Variants in MIGA1 observed in about 807,000 individuals in gnomAD.
MIGA1 encodes family with sequence similarity 73, member A.
In MIGA1, 58 loss-of-function variants were observed where a neutral mutation model predicts 82.0. That is an observed-to-expected ratio of 0.71 (90% CI 0.57 to 0.88). The LOEUF (loss-of-function observed/expected upper bound fraction) is 0.88, where lower values mean the gene tolerates loss of function less well. Ranked by LOEUF, MIGA1 falls within the 40% of genes least tolerant of loss-of-function variation. The pLI is 0.00. For missense variants in MIGA1, 751 were observed against 749.1 expected (o/e 1.00, Z -0.03); for synonymous variants, 249 against 253.6 (o/e 0.98, Z 0.17).
chr1:77,850,804 A>G (rs970019214), intron 8 of MIGA1, among the ~76,000 whole-genome samples: 34 of 150,682 alleles, frequency 2.3e-4, no homozygotes, highest in African/African-American at 8.3e-4. Flanking sequence ...GGAATTATCT[A>G]TTTTTCTGTT....
At chr1:77,782,770 G>A in intron 1 of MIGA1, 2 of 535,496 alleles carry the variant, frequency 3.7e-6, no homozygotes, top group Non-Finnish European at 4.8e-6. Context: ...CTGGAGTTCA[G>A]TCAGTGAACT....
intron 7 of MIGA1, among the ~76,000 whole-genome samples, chr1:77,826,377 A>G (rs1684028087): frequency 6.6e-6 from 1 of 152,206 alleles, no homozygotes; most frequent in African/African-American, 2.4e-5. Context: ...TGTAGCTAAG[A>G]TTACTGATTT....
intron 7 of MIGA1, among the ~76,000 whole-genome samples, chr1:77,842,252 T>C (rs1570984589): frequency 6.6e-6 from 1 of 152,242 alleles, no homozygotes; most frequent in African/African-American, 2.4e-5. Context: ...GGAAAGTATT[T>C]GTTTGAAAAT....
Position 77,858,929 on chromosome 1 carries a change from T to C in MIGA1, c.997-9T>C, listed in dbSNP as rs780595818. 22 of 1,530,776 alleles carry C rather than the reference T, an allele frequency of 1.4e-5. No homozygotes were observed. The highest frequency in any genetic ancestry group is 2.0e-5 in the Non-Finnish European group (22 of 1,104,238). The allele number at this position is 1,530,776 out of a possible 1,614,324, so 94.8% of individuals were successfully genotyped here. ...GCCTGTATTCTGTTCTAACCCACCGTGCTCTTAGCTTGCAGAACACAGAGA... is the reference window on the plus strand; with the variant it reads ...GCCTGTATTCTGTTCTAACCCACCGCGCTCTTAGCTTGCAGAACACAGAGA... On this transcript the variant is annotated splice_polypyrimidine_tract_variant and intron_variant, in intron 8 of 15. Coordinates refer to ENST00000370791, the MANE Select transcript of MIGA1 (RefSeq NM_198549.4).
chr1:77,817,418 G>T (rs1489619235), intron 7 of MIGA1, among the ~76,000 whole-genome samples: 2 of 152,132 alleles, frequency 1.3e-5, no homozygotes, highest in African/African-American at 2.4e-5. Flanking sequence ...CACTTAGTTA[G>T]CTTAGGTTTG....
At chr1:77,801,227 TA>T in intron 2 of MIGA1, 103 bp from the exon 3 acceptor site, 1 of 728,430 alleles carries the variant, frequency 1.4e-6, no homozygotes, top group Non-Finnish European at 2.2e-6. Flanking sequence ...CTCTTGATAG[TA>T]TTTAGAAATA....
chr1:77,794,145 A>G (rs1682557199), intron 2 of MIGA1, among the ~76,000 whole-genome samples: 1 of 152,188 alleles, frequency 6.6e-6, no homozygotes, highest in Admixed American at 6.6e-5. Flanking sequence ...GATTGTACAT[A>G]GAATTCTCGT....
chr1:77,874,583 G>C (rs1169623334), intron 15 of MIGA1, among the ~76,000 whole-genome samples: 1 of 152,002 alleles, frequency 6.6e-6, no homozygotes, highest in Non-Finnish European at 1.5e-5. Context: ...GTATCACATA[G>C]GTTATCTTTT....
chr1:77,781,026 C>T (rs993853494), intron 1 of MIGA1, among the ~76,000 whole-genome samples: 2 of 151,532 alleles, frequency 1.3e-5, no homozygotes, highest in Non-Finnish European at 2.9e-5. Context: ...CCTACCTCAG[C>T]CTTCCGAGTA....
intron 5 of MIGA1, among the ~76,000 whole-genome samples, chr1:77,809,605 A>G (rs1418907614): frequency 1.3e-5 from 2 of 152,138 alleles, no homozygotes; most frequent in African/African-American, 4.8e-5. Context: ...AAAAAATAAA[A>G]TAAAATAATT....
chr1:77,861,180 G>A, intron 11 of MIGA1, 44 bp from the exon 12 acceptor site: 1 of 1,208,522 alleles, frequency 8.3e-7, no homozygotes, highest in Non-Finnish European at 1.2e-6. Flanking sequence ...TTTGTAGCTT[G>A]TTATAAAGTT....
rs59662000 is a variant in MIGA1, at chr1:77,856,058, G to C, written c.997-2880G>C. On this transcript the variant is annotated intron_variant, in intron 8 of 15. Coordinates refer to ENST00000370791, the MANE Select transcript of MIGA1 (RefSeq NM_198549.4). ...CTTAGATGGCTTTCATTACACTAAG[G>C]TATGTCCCTTGTATGCCGATTTTTC... 3.9e-5 allele frequency among the ~76,000 whole-genome samples: 6 copies of C among 152,168 alleles called. No homozygotes were observed. In the South Asian group the frequency reaches 1.2e-3, roughly 32 times the overall value.
chr1:77,779,788 G>C lies in MIGA1; in HGVS notation c.81+52G>C, dbSNP rs1183578822. 3.3e-6 allele frequency: 5 copies of C among 1,511,738 alleles called. No individual in the cohort carries two copies. The South Asian group carries it at 6.2e-5, about 19-fold the overall frequency. 93.6% of individuals were successfully genotyped at this position (1,511,738 alleles called of 1,614,324 possible). A position where few individuals can be genotyped will look rare whatever the true frequency, so the allele number is the denominator to read the frequency against. ...GGAGAGGCGGGCGGGAGGAAGCGGAGAGTTGAGCGGCCACGCAGTTGGGGC... is the reference window on the plus strand; with the variant it reads ...GGAGAGGCGGGCGGGAGGAAGCGGACAGTTGAGCGGCCACGCAGTTGGGGC... On this transcript the variant is annotated intron_variant, in intron 1 of 15. Coordinates refer to ENST00000370791, the MANE Select transcript of MIGA1 (RefSeq NM_198549.4).
At chr1:77,862,479 A>G (rs889989756) in intron 12 of MIGA1, among the ~76,000 whole-genome samples, 15 of 151,530 alleles carry the variant, frequency 9.9e-5, no homozygotes, top group Non-Finnish European at 2.1e-4. Context: ...TCGGTCCGGC[A>G]TGGTGGCTCA....
At chr1:77,848,145 CAGAA>C in intron 8 of MIGA1, 1 of 1,384,564 alleles carries the variant, frequency 7.2e-7, no homozygotes, top group Non-Finnish European at 1.0e-6. Context: ...CCGTGATTAC[CAGAA>C]AGAAAGGGAT....
chr1:77,797,611 C>T (rs940406476), intron 2 of MIGA1, among the ~76,000 whole-genome samples: 1 of 152,048 alleles, frequency 6.6e-6, no homozygotes. Flanking sequence ...AATATGATGT[C>T]TCTCTCCTTT....
chr1:77,872,873 T>C, intron 14 of MIGA1, 131 bp from the exon 15 acceptor site: 1 of 1,112,536 alleles, frequency 9.0e-7, no homozygotes, highest in Non-Finnish European at 1.3e-6. Flanking sequence ...GTTGCTAGAC[T>C]CTGGTTCTAA....
chr1:77,870,226 C>A (rs1460466862), intron 14 of MIGA1, among the ~76,000 whole-genome samples: 1 of 128,966 alleles, frequency 7.8e-6, no homozygotes, highest in African/African-American at 2.8e-5. Flanking sequence ...GGCTGACCCC[C>A]CCCCCCACCT....
At chr1:77,842,063 G>A (rs1201484719) in intron 7 of MIGA1, among the ~76,000 whole-genome samples, 6 of 151,672 alleles carry the variant, frequency 4.0e-5, no homozygotes, top group Admixed American at 1.3e-4. Context: ...GATGATTACA[G>A]GCATGAGCTA....
Sources: allele counts gnomAD v4.1 joint callset (sites outside exome capture counted in the v4.1 genomes callset), GRCh38; gene constraint gnomAD v4.1.1; transcripts MANE v1.5; gene names NCBI Gene and HGNC (gene_info 2026-07-23, HGNC 2026-07-21).